KDELR2: variants seen among roughly 807,000 people sequenced by gnomAD.
The protein encoded by KDELR2 is ER lumen protein-retaining receptor 2.
A neutral mutation model predicts 23.9 loss-of-function variants in KDELR2; 15 were observed. That is an observed-to-expected ratio of 0.63 (90% CI 0.42 to 0.97). The LOEUF (loss-of-function observed/expected upper bound fraction) is 0.97, where lower values mean the gene tolerates loss of function less well. KDELR2 is among the 50% of genes least tolerant of loss of function. The pLI, the probability that KDELR2 is intolerant of heterozygous loss-of-function variation, is 0.00. For missense variants in KDELR2, 272 were observed against 254.6 expected, an observed-to-expected ratio of 1.07 and a Z score of -0.46; for synonymous variants, 119 against 106.2, an observed-to-expected ratio of 1.12 and a Z score of -0.74.
In KDELR2 at chr7:6,461,955, G is replaced by C. The variant is rs887480249; in HGVS notation, c.*1186C>G. The C allele has an allele frequency of 1.4e-4, 21 of 151,958 alleles. No homozygotes were observed. The highest frequency in any genetic ancestry group is 5.1e-4 in the African/African-American group (21 of 41,362). 9.4% of individuals were successfully genotyped at this position (151,958 alleles called of 1,614,324 possible). On this transcript the variant is annotated 3_prime_UTR_variant, in exon 5 of 5. Transcript: ENST00000258739. ...TCTGCAGCCCTACAGAGCTTTTGTT[G>C]CCAATTGAAAAACAAAAAAATCCCA... is the stretch of plus-strand genomic sequence containing the variant.
In KDELR2 at chr7:6,474,172, G is replaced by T. The variant is rs1373215696; in HGVS notation, c.192+12C>A. The stretch of plus-strand genomic sequence containing the variant: ...GTAGATGAAATACATTCCTGTGGAT[G>T]GCATACCATACCTTCATAGATGTGT... On this transcript the variant is annotated intron_variant, in intron 2 of 4. Transcript: ENST00000258739. 6.7e-7 allele frequency: 1 copy of T among 1,495,678 alleles called. No homozygotes were observed. The highest frequency in any genetic ancestry group is 9.3e-7 in the Non-Finnish European group (1 of 1,072,388). 92.7% of individuals were successfully genotyped at this position (1,495,678 alleles called of 1,614,324 possible).
intron 2 of KDELR2, among the ~76,000 whole-genome samples, chr7:6,470,957 A>G (rs1013940547): frequency 1.3e-5 from 2 of 151,518 alleles, no homozygotes; most frequent in African/African-American, 4.8e-5. Flanking sequence ...TACTAAAAAA[A>G]ATACAAAAAA....
At chr7:6,470,332 G>C (rs936743328) in intron 2 of KDELR2, 3 of 152,266 alleles carry the variant, frequency 2.0e-5, no homozygotes, top group African/African-American at 7.2e-5. Context: ...TCTCCCACCA[G>C]AGATACTCTG....
chr7:6,464,182 A>C (rs1283793239), intron 4 of KDELR2, among the ~76,000 whole-genome samples: 1 of 111,654 alleles, frequency 9.0e-6, no homozygotes, highest in African/African-American at 3.7e-5. Context: ...GGGCAACAAG[A>C]GCAAAACTCT....
intron 1 of KDELR2, among the ~76,000 whole-genome samples, chr7:6,479,986 A>G (rs960723717): frequency 6.6e-6 from 1 of 152,250 alleles, no homozygotes; most frequent in Non-Finnish European, 1.5e-5. Context: ...TTACTCCAAA[A>G]ATATCAACTG....
At chr7:6,468,767 G>A (rs1488960890) in intron 3 of KDELR2, among the ~76,000 whole-genome samples, 2 of 151,412 alleles carry the variant, frequency 1.3e-5, no homozygotes, top group East Asian at 2.0e-4. Flanking sequence ...GCCTCCCAAA[G>A]TGCTGGGATT....
rs1785417320 is a variant in KDELR2, at chr7:6,462,882, A to G, written c.*259T>C. On this transcript the variant is annotated 3_prime_UTR_variant, in exon 5 of 5. Coordinates refer to ENST00000258739, the MANE Select transcript of KDELR2 (RefSeq NM_006854.4). ...GGAACTATCCCAATTGAAGCTACAC[A>G]CTGAATTTATTAATACAGCATTAAG... 1 of 1,185,274 alleles carries G rather than the reference A, an allele frequency of 8.4e-7. No homozygotes were observed. The highest frequency in any genetic ancestry group is 1.6e-5 in the South Asian group (1 of 61,006). 73.4% of individuals were successfully genotyped at this position (1,185,274 alleles called of 1,614,324 possible).
chr7:6,464,748 T>TC (rs1194268688), intron 4 of KDELR2, among the ~76,000 whole-genome samples: 2 of 150,492 alleles, frequency 1.3e-5, no homozygotes, highest in African/African-American at 4.9e-5. Context: ...TTTTTTTTTT[T>TC]TTTTGAGACA....
At chr7:6,474,135 G>A in intron 2 of KDELR2, 49 bp downstream of exon 2, 1 of 1,082,602 alleles carries the variant, frequency 9.2e-7, no homozygotes, top group South Asian at 1.3e-5. Context: ...AGTGTCCATA[G>A]ACCTGTGCAC....
In KDELR2 at chr7:6,484,000, G is replaced by A; in HGVS notation, c.58C>T (p.Leu20=). 1 of 1,531,696 alleles carries A rather than the reference G, an allele frequency of 6.5e-7. No individual in the cohort carries two copies. The highest frequency in any genetic ancestry group is 8.8e-7 in the Non-Finnish European group (1 of 1,137,162). 94.9% of individuals were successfully genotyped at this position (1,531,696 alleles called of 1,614,324 possible). A position where few individuals can be genotyped will look rare whatever the true frequency, so the allele number is the denominator to read the frequency against. The change falls in exon 1 of 5, where the codon CTG becomes TTG. Residue 20 remains leucine, a synonymous_variant. Transcript: ENST00000258739. Reference sequence around the variant, plus strand: ...GAGCGCGTCTTCCAGATCTTCAGCAGCAGGATGACGATGGCCGCCAGGTGG... The same window carrying A: ...GAGCGCGTCTTCCAGATCTTCAGCAACAGGATGACGATGGCCGCCAGGTGG... ...LSHLAAIVIL[L]LKIWKTRSCA...
At chr7:6,467,220 C>G (rs569102797) in intron 3 of KDELR2, among the ~76,000 whole-genome samples, 2 of 152,188 alleles carry the variant, frequency 1.3e-5, no homozygotes, top group African/African-American at 4.8e-5. Context: ...CCCTGCTTTC[C>G]GCCAGGATTG....
Position 6,476,152 on chromosome 7 carries a change from T to A in KDELR2, c.92-1868A>T, listed in dbSNP as rs992119987. On this transcript the variant is annotated intron_variant, in intron 1 of 4. Transcript: ENST00000258739. ...TTGCAGCTTGCTGAAACTGAAAACCTGAATGTAAGAATGTTACTTTCTCAG... is the reference window on the plus strand; with the variant it reads ...TTGCAGCTTGCTGAAACTGAAAACCAGAATGTAAGAATGTTACTTTCTCAG... 5.3e-5 allele frequency among the ~76,000 whole-genome samples: 8 copies of A among 152,372 alleles called. No homozygotes were observed. The South Asian group carries it at 1.0e-3, about 20-fold the overall frequency.
chr7:6,466,049 A>T, intron 4 of KDELR2, 22 bp downstream of exon 4: 1 of 1,611,710 alleles, frequency 6.2e-7, no homozygotes, highest in Non-Finnish European at 8.5e-7. Flanking sequence ...TCTAGAAACA[A>T]CGCAGGTCGC....
chr7:6,463,975 T>C, intron 4 of KDELR2, among the ~76,000 whole-genome samples: 1 of 122,920 alleles, frequency 8.1e-6, no homozygotes, highest in African/African-American at 2.7e-5. Flanking sequence ...GGCAGGAGGA[T>C]CACCTGAGGT....
chr7:6,467,622 A>G (rs1429307463), intron 3 of KDELR2, among the ~76,000 whole-genome samples: 1 of 152,136 alleles, frequency 6.6e-6, no homozygotes, highest in Admixed American at 6.5e-5. Context: ...TTAGCCAGGC[A>G]TGATGGTGGG....
intron 4 of KDELR2, 144 bp from the exon 5 acceptor site, chr7:6,463,319 A>T: frequency 3.0e-6 from 2 of 655,936 alleles, no homozygotes; most frequent in Non-Finnish European, 5.1e-6. Context: ...TTTTAAAAAT[A>T]CAAATTTGAT....
At chr7:6,481,210 A>T (rs1484450731) in intron 1 of KDELR2, among the ~76,000 whole-genome samples, 3 of 152,014 alleles carry the variant, frequency 2.0e-5, no homozygotes, top group African/African-American at 7.2e-5. Context: ...CTCTACTAAA[A>T]ATACAAAAAT....
intron 4 of KDELR2, among the ~76,000 whole-genome samples, chr7:6,463,719 A>C (rs914944301): frequency 2.6e-5 from 4 of 151,472 alleles, no homozygotes; most frequent in African/African-American, 9.7e-5. Flanking sequence ...TTGCAGCCTG[A>C]GTAACAGAGT....
intron 2 of KDELR2, among the ~76,000 whole-genome samples, chr7:6,471,558 G>C (rs1785642916): frequency 2.0e-5 from 3 of 152,142 alleles, no homozygotes; most frequent in Admixed American, 1.3e-4. Context: ...TCTTACTCAT[G>C]TCAATTAGCC....
Sources: allele counts gnomAD v4.1 joint callset (sites outside exome capture counted in the v4.1 genomes callset), GRCh38; gene constraint gnomAD v4.1.1; transcripts MANE v1.5; gene names NCBI Gene and HGNC (gene_info 2026-07-23, HGNC 2026-07-21).